Variants in LRP1B observed in about 807,000 individuals in gnomAD.
The protein encoded by LRP1B is LDL receptor related protein 1B, also known as low-density lipoprotein receptor-related protein 1B.
A neutral mutation model predicts 556.6 loss-of-function variants in LRP1B; 217 were observed. The observed-to-expected ratio is 0.39, with a 90% CI of 0.35 to 0.44. LRP1B has a LOEUF of 0.44. Ranked by LOEUF, LRP1B falls within the 20% of genes least tolerant of loss-of-function variation. LRP1B has a pLI of 1.00. For synonymous variants in LRP1B, 2,047 were observed against 1,865.8 expected, an observed-to-expected ratio of 1.10 and a Z score of -2.50; for missense variants, 5,053 against 5,620.8, an observed-to-expected ratio of 0.90 and a Z score of 3.23.
chr2:142,126,203 C>T (rs143279667), intron 1 of LRP1B, among the ~76,000 whole-genome samples: 2 of 151,482 alleles, frequency 1.3e-5, no homozygotes, highest in African/African-American at 2.4e-5. Context: ...CTTGTTATAT[C>T]GAAATGTATT....
At chr2:140,784,606 A>G (rs1689830065) in intron 32 of LRP1B, among the ~76,000 whole-genome samples, 1 of 151,970 alleles carries the variant, frequency 6.6e-6, no homozygotes, top group Admixed American at 6.6e-5. Context: ...AAAACTCAGA[A>G]GAAACAGAAG....
intron 1 of LRP1B, among the ~76,000 whole-genome samples, chr2:141,813,955 G>A (rs139930597): frequency 2.7e-4 from 41 of 152,238 alleles, no homozygotes; most frequent in Non-Finnish European, 2.1e-4. Context: ...GGGTTGACTG[G>A]TCTATGAGCC....
intron 2 of LRP1B, among the ~76,000 whole-genome samples, chr2:141,797,186 T>TATAC (rs1328874775): frequency 1.5e-5 from 2 of 132,412 alleles, no homozygotes; most frequent in Non-Finnish European, 3.2e-5. Flanking sequence ...TATATATATA[T>TATAC]AACTATATAT....
chr2:141,693,155 T>C (rs367699716), intron 2 of LRP1B, among the ~76,000 whole-genome samples: 5 of 152,100 alleles, frequency 3.3e-5, no homozygotes, highest in South Asian at 4.1e-4. Flanking sequence ...AATTGTAAGC[T>C]TCTTGAAAGT....
chr2:140,420,205 T>C (rs2105264306), intron 66 of LRP1B, among the ~76,000 whole-genome samples: 1 of 151,592 alleles, frequency 6.6e-6, no homozygotes, highest in African/African-American at 2.4e-5. Flanking sequence ...ATGGTTAATA[T>C]CACAAAAACA....
At chr2:141,114,619 G>A (rs983283057) in intron 7 of LRP1B, among the ~76,000 whole-genome samples, 1 of 152,082 alleles carries the variant, frequency 6.6e-6, no homozygotes, top group African/African-American at 2.4e-5. Context: ...TATGAACAAA[G>A]GATAGGGGTG....
intron 2 of LRP1B, among the ~76,000 whole-genome samples, chr2:141,679,503 A>T (rs924576437): frequency 6.6e-6 from 1 of 152,186 alleles, no homozygotes; most frequent in African/African-American, 2.4e-5. Context: ...TGTTCTGATG[A>T]TAGGAGTTTA....
At chr2:141,096,629 GGAGA>G (rs756327718) in intron 7 of LRP1B, among the ~76,000 whole-genome samples, 116 of 59,718 alleles carry the variant, frequency 1.9e-3, no homozygotes, top group African/African-American at 6.3e-3. Flanking sequence ...GGGGAGAGGG[GGAGA>G]GAGAGAGAGA....
intron 3 of LRP1B, among the ~76,000 whole-genome samples, chr2:141,425,041 G>A (rs186426141): frequency 1.7e-4 from 25 of 150,972 alleles, no homozygotes; most frequent in African/African-American, 5.3e-4. Flanking sequence ...TTAGCATTAG[G>A]TATATCTCCT....
At chr2:140,886,936 G>C (rs2105194158) in intron 23 of LRP1B, among the ~76,000 whole-genome samples, 1 of 152,284 alleles carries the variant, frequency 6.6e-6, no homozygotes, top group African/African-American at 2.4e-5. Flanking sequence ...AGAAAGGAAA[G>C]AAGCTTTGAA....
intron 43 of LRP1B, among the ~76,000 whole-genome samples, chr2:140,568,023 G>T (rs4338920): frequency 2.6e-5 from 4 of 151,956 alleles, no homozygotes; most frequent in Non-Finnish European, 4.4e-5. Flanking sequence ...AGAGGTGATT[G>T]TTCCACCAGA....
At chr2:140,771,227 T>C (rs1573695597) in intron 33 of LRP1B, among the ~76,000 whole-genome samples, 1 of 152,250 alleles carries the variant, frequency 6.6e-6, no homozygotes, top group Admixed American at 6.5e-5. Context: ...CATGAGAAGA[T>C]TAATAGTTAC....
At chr2:141,499,691 T>A (rs958462127) in intron 2 of LRP1B, among the ~76,000 whole-genome samples, 2 of 151,968 alleles carry the variant, frequency 1.3e-5, no homozygotes, top group African/African-American at 4.8e-5. Flanking sequence ...ATATGGAATA[T>A]TAAAGTATGA....
chr2:140,506,211 C>T (rs1423341706), intron 53 of LRP1B, among the ~76,000 whole-genome samples: 1 of 151,682 alleles, frequency 6.6e-6, no homozygotes, highest in Non-Finnish European at 1.5e-5. Context: ...ATACGTTAAA[C>T]CAAAGACATT....
At chr2:140,766,470 G>A (rs868266474) in intron 35 of LRP1B, among the ~76,000 whole-genome samples, 2 of 152,030 alleles carry the variant, frequency 1.3e-5, no homozygotes, top group African/African-American at 4.8e-5. Context: ...CAAAAAGGCA[G>A]TGGAAAGCTC....
At chr2:141,884,734 T>C (rs919127792) in intron 1 of LRP1B, among the ~76,000 whole-genome samples, 1 of 152,216 alleles carries the variant, frequency 6.6e-6, no homozygotes, top group Non-Finnish European at 1.5e-5. Context: ...TGGGCCGATG[T>C]GGATAGTCTT....
rs17546527 is a variant in LRP1B, at chr2:141,360,608, A to G, written c.344-105967T>C. Among the ~76,000 whole-genome samples, 960 of 152,326 alleles carry G rather than the reference A, an allele frequency of 6.3e-3. 4 individuals carry two copies. Among genetic ancestry groups the G allele is most frequent in the Middle Eastern group, 0.02 (6 of 294 alleles). On this transcript the variant is annotated intron_variant, in intron 3 of 90. Transcript: ENST00000389484. ...AATGTAAAGGTGGTGTAACTGAACC[A>G]CTGTACTACCTCAATTTCAGAGTGT...
rs144003032 is a variant in LRP1B, at chr2:141,028,436, G to A, written c.1790-8334C>T. Among the ~76,000 whole-genome samples the A allele has an allele frequency of 4.2e-4, 64 of 151,804 alleles. 1 individual carries two copies. Among genetic ancestry groups the A allele is most frequent in the African/African-American group, 1.4e-3 (60 of 41,480 alleles). ...AAAGACTAGGAAAGTGTGTTAAGACGGGTGTATTATGTGTAATCTAAAAAT... is the reference window on the plus strand; with the variant it reads ...AAAGACTAGGAAAGTGTGTTAAGACAGGTGTATTATGTGTAATCTAAAAAT... On this transcript the variant is annotated intron_variant, in intron 11 of 90. Coordinates refer to ENST00000389484, the MANE Select transcript of LRP1B (RefSeq NM_018557.3).
Position 141,942,756 on chromosome 2 carries a change from T to C in LRP1B, c.83-132355A>G, listed in dbSNP as rs140989095. On this transcript the variant is annotated intron_variant, in intron 1 of 90. Transcript: ENST00000389484. ...TTACTAAGCAACAGGTCTTTAGGGG[T>C]CTTTCTATTTTACTGTGGACAACAG... is the stretch of plus-strand genomic sequence containing the variant. Among the ~76,000 whole-genome samples the C allele has an allele frequency of 4.4e-3, 675 of 152,176 alleles. 6 individuals carry two copies. The highest frequency in any genetic ancestry group is 0.015 in the African/African-American group (633 of 41,508).
Sources: gnomAD v4.1 joint callset for allele counts (sites outside exome capture counted in the v4.1 genomes callset) on GRCh38, gnomAD v4.1.1 for gene constraint, MANE v1.5 for transcripts, NCBI Gene and HGNC (gene_info 2026-07-23, HGNC 2026-07-21) for gene names.